PHACTR3: variants seen among roughly 807,000 people sequenced by gnomAD.
The protein encoded by PHACTR3 is phosphatase and actin regulator 3.
A neutral mutation model predicts 66.8 loss-of-function variants in PHACTR3; 16 were observed. That is an observed-to-expected ratio of 0.24 (90% confidence interval 0.16 to 0.36). The LOEUF (loss-of-function observed/expected upper bound fraction) is 0.36, where lower values mean the gene tolerates loss of function less well. Ranked by LOEUF, PHACTR3 falls within the 10% of genes least tolerant of loss-of-function variation. PHACTR3 has a pLI of 1.00. For missense variants in PHACTR3, 647 were observed against 719.9 expected (o/e 0.90, Z 1.16); for synonymous variants, 323 against 292.1 (o/e 1.11, Z -1.08).
At chr20:59,765,526 T>C (rs117165128) in intron 4 of PHACTR3, among the ~76,000 whole-genome samples, 3,400 of 152,320 alleles carry the variant, frequency 0.022, 58 homozygotes, top group Non-Finnish European at 0.035. Flanking sequence ...AGGGCTGGCC[T>C]TTCTGAGATA....
At chr20:59,601,150 C>G (rs930566424), upstream of PHACTR3, among the ~76,000 whole-genome samples, 1 of 152,192 alleles carries the variant, frequency 6.6e-6, no homozygotes, top group African/African-American at 2.4e-5. Context: ...TCTCCCACTC[C>G]CCATCCTCGG....
At chr20:59,622,981 C>CAAAAAAAAAAAAAAAAAAAAAAACAA (rs71183177) in intron 1 of PHACTR3, among the ~76,000 whole-genome samples, 1 of 32,216 alleles carries the variant, frequency 3.1e-5, no homozygotes, top group Non-Finnish European at 5.5e-5. Context: ...CAGCTTTAAC[C>CAAAAAAAAAAAAAAAAAAAAAAACAA]AAAAAAAAAA....
chr20:59,593,473 T>C (rs1001678567), intron 1 of PHACTR3, among the ~76,000 whole-genome samples: 1 of 152,118 alleles, frequency 6.6e-6, no homozygotes, highest in Non-Finnish European at 1.5e-5. Flanking sequence ...CTCTTGACAG[T>C]GTCTGTACAA....
At chr20:59,766,346 C>G (rs907359272) in intron 4 of PHACTR3, among the ~76,000 whole-genome samples, 1 of 152,194 alleles carries the variant, frequency 6.6e-6, no homozygotes, top group Admixed American at 6.5e-5. Context: ...CAAGTGGCAG[C>G]TTAATCCCCA....
intron 1 of PHACTR3, among the ~76,000 whole-genome samples, chr20:59,735,891 C>T (rs2038927196): frequency 6.6e-6 from 1 of 152,178 alleles, no homozygotes; most frequent in Non-Finnish European, 1.5e-5. Flanking sequence ...GGCCCTGCAC[C>T]AGGCATGGAA....
At chr20:59,727,754 A>T (rs941452183) in intron 1 of PHACTR3, among the ~76,000 whole-genome samples, 1 of 152,224 alleles carries the variant, frequency 6.6e-6, no homozygotes, top group South Asian at 2.1e-4. Flanking sequence ...CATGATGCTC[A>T]AAGAAAATAT....
At chr20:59,837,504 C>A (rs1224329225) in intron 9 of PHACTR3, among the ~76,000 whole-genome samples, 1 of 152,146 alleles carries the variant, frequency 6.6e-6, no homozygotes, top group Non-Finnish European at 1.5e-5. Context: ...CAATCCCCTC[C>A]TTTATAGATT....
chr20:59,782,849 C>T (rs752592471), intron 7 of PHACTR3, among the ~76,000 whole-genome samples: 5 of 152,138 alleles, frequency 3.3e-5, no homozygotes, highest in African/African-American at 1.2e-4. Context: ...AAATGTGTGA[C>T]GCCAAGAATG....
At chr20:59,805,916 CCACCAT>C (rs1600688105) in intron 7 of PHACTR3, 119 bp from the exon 8 acceptor site, 4 of 1,031,514 alleles carry the variant, frequency 3.9e-6, no homozygotes, top group Admixed American at 2.3e-5. Flanking sequence ...TCAGTTCTAG[CCACCAT>C]CACCCTGGTC....
At chr20:59,771,880 T>G in intron 5 of PHACTR3, among the ~76,000 whole-genome samples, 1 of 152,220 alleles carries the variant, frequency 6.6e-6, no homozygotes, top group Non-Finnish European at 1.5e-5. Context: ...GAAGTTTGTT[T>G]CTGGTTTTTA....
intron 1 of PHACTR3, among the ~76,000 whole-genome samples, chr20:59,580,060 G>A (rs1249086337): frequency 6.6e-6 from 1 of 152,152 alleles, no homozygotes; most frequent in East Asian, 1.9e-4. Context: ...TTGGGGCGGT[G>A]GTTGTTCTGG....
At chr20:59,643,931 G>GT (rs998721623) in intron 1 of PHACTR3, among the ~76,000 whole-genome samples, 32 of 152,214 alleles carry the variant, frequency 2.1e-4, no homozygotes, top group African/African-American at 7.7e-4. Flanking sequence ...TGGTGGACTT[G>GT]TTAGAGAACA....
chr20:59,828,191 C>T (rs980337395), intron 8 of PHACTR3, among the ~76,000 whole-genome samples: 1 of 151,866 alleles, frequency 6.6e-6, no homozygotes, highest in African/African-American at 2.4e-5. Context: ...CAGGTGGCGT[C>T]TCCTGGAATG....
intron 1 of PHACTR3, chr20:59,628,097 C>T (rs1014696118): frequency 6.6e-6 from 1 of 152,220 alleles, no homozygotes; most frequent in East Asian, 1.9e-4. Flanking sequence ...AACTCACCAA[C>T]CTCTTAAGGC....
intron 9 of PHACTR3, among the ~76,000 whole-genome samples, chr20:59,838,524 G>A (rs1022381322): frequency 1.3e-5 from 2 of 152,290 alleles, no homozygotes; most frequent in East Asian, 3.9e-4. Context: ...GGCCCAATCT[G>A]TGCCAGGGAC....
At chr20:59,613,379 C>A (rs1350437288) in intron 1 of PHACTR3, among the ~76,000 whole-genome samples, 1 of 152,140 alleles carries the variant, frequency 6.6e-6, no homozygotes, top group African/African-American at 2.4e-5. Context: ...CTAGGCAGGA[C>A]AAAGAGGGTA....
intron 1 of PHACTR3, among the ~76,000 whole-genome samples, chr20:59,623,957 C>T (rs190184722): frequency 1.3e-5 from 2 of 152,092 alleles, no homozygotes; most frequent in Non-Finnish European, 2.9e-5. Flanking sequence ...TGCCCATGGG[C>T]GTTGTGTAGA....
At chr20:59,691,589 TC>T in intron 1 of PHACTR3, among the ~76,000 whole-genome samples, 1 of 152,204 alleles carries the variant, frequency 6.6e-6, no homozygotes, top group Non-Finnish European at 1.5e-5. Flanking sequence ...GAAGTCCCTT[TC>T]CCTCATACCT....
chr20:59,715,509 T>C (rs567247139), intron 1 of PHACTR3, among the ~76,000 whole-genome samples: 3 of 152,374 alleles, frequency 2.0e-5, no homozygotes, highest in Middle Eastern at 6.8e-3. Flanking sequence ...TCTGCATTTC[T>C]CTGCCTCTGG....
Sources: allele counts gnomAD v4.1 joint callset (sites outside exome capture counted in the v4.1 genomes callset), GRCh38; gene constraint gnomAD v4.1.1; transcripts MANE v1.5; gene names NCBI Gene and HGNC (gene_info 2026-07-23, HGNC 2026-07-21).